Variants in TBCK observed in about 807,000 individuals in gnomAD.
TBCK encodes the protein TBC1 domain containing kinase.
Under a neutral mutation model 113.4 loss-of-function variants are expected in TBCK, and 99 were observed. The ratio of observed to expected loss-of-function variants is 0.87; its 90% CI spans 0.74 to 1.03. The LOEUF (loss-of-function observed/expected upper bound fraction) is 1.03, where lower values mean the gene tolerates loss of function less well. TBCK is among the 50% of genes least tolerant of loss of function. TBCK has a pLI of 0.00. For missense variants in TBCK, 1,045 were observed against 1,061.3 expected, an observed-to-expected ratio of 0.98 and a Z score of 0.21; for synonymous variants, 369 against 370.8, an observed-to-expected ratio of 1.00 and a Z score of 0.05.
At chr4:106,097,873 A>AAAT (rs1313337844) in intron 24 of TBCK, among the ~76,000 whole-genome samples, 1 of 152,134 alleles carries the variant, frequency 6.6e-6, no homozygotes, top group Non-Finnish European at 1.5e-5. Context: ...AAGAATAAAT[A>AAAT]AATAAAGAGG....
At chr4:106,236,909 A>G (rs890929425) in intron 12 of TBCK, 101 bp from the exon 13 acceptor site, 4 of 563,802 alleles carry the variant, frequency 7.1e-6, no homozygotes, top group Non-Finnish European at 1.1e-5. Flanking sequence ...AAATTTATAA[A>G]GGGACCTAGA....
intron 23 of TBCK, among the ~76,000 whole-genome samples, chr4:106,126,380 T>G (rs1393174631): frequency 6.6e-6 from 1 of 152,172 alleles, no homozygotes; most frequent in Non-Finnish European, 1.5e-5. Context: ...CAGAAAGTAT[T>G]AAGATATATA....
At chr4:106,271,772 CA>C in intron 3 of TBCK, among the ~76,000 whole-genome samples, 1 of 145,036 alleles carries the variant, frequency 6.9e-6, no homozygotes, top group South Asian at 2.2e-4. Flanking sequence ...AAAAACAAAA[CA>C]AAAAAACAAC....
At chr4:106,097,949 G>A (rs1741125647) in intron 24 of TBCK, among the ~76,000 whole-genome samples, 1 of 152,044 alleles carries the variant, frequency 6.6e-6, no homozygotes, top group Admixed American at 6.6e-5. Context: ...CATCAGTCAT[G>A]AGTAAAATCT....
Position 106,231,792 on chromosome 4 carries a change from G to T in TBCK, c.1640-13C>A. On this transcript the variant is annotated splice_polypyrimidine_tract_variant and intron_variant, in intron 17 of 25. Transcript: ENST00000394708. ...AGTGAGTCAAGACCTAACACAGAGG[G>T]GTTGGGAGAAAGAAGTCAAATAAAT... 1 of 1,605,492 alleles carries T rather than the reference G, an allele frequency of 6.2e-7. No individual in the cohort carries two copies. Among genetic ancestry groups the T allele is most frequent in the South Asian group, 1.1e-5 (1 of 89,708 alleles).
Position 106,216,124 on chromosome 4 carries a change from C to T in TBCK, c.1775-3289G>A, listed in dbSNP as rs192333637. On this transcript the variant is annotated intron_variant, in intron 19 of 25. Coordinates refer to ENST00000394708, the MANE Select transcript of TBCK (RefSeq NM_001163435.3). ...CCTCCTCCTGAATGACTACTGGGTA[C>T]GTAACGAAATGAAGGCAGAAATAAA... 8.3e-4 allele frequency among the ~76,000 whole-genome samples: 126 copies of T among 152,142 alleles called. 3 individuals carry two copies. The highest frequency in any genetic ancestry group is 2.0e-3 in the Admixed American group (30 of 15,286).
chr4:106,225,526 C>T (rs1169266203), intron 19 of TBCK, among the ~76,000 whole-genome samples: 2 of 152,108 alleles, frequency 1.3e-5, no homozygotes, highest in Admixed American at 6.5e-5. Context: ...GTGGCGCAAT[C>T]TCGGTTCACT....
chr4:106,081,996 CT>C lies in TBCK; in HGVS notation c.2571+13485del, dbSNP rs1351486891. On this transcript the variant is annotated intron_variant, in intron 25 of 25. Transcript: ENST00000394708. ...GCATAGAAAAGGGAGCACTTATACA[CT>C]GCTGGTGGAAATGTAAATCAGTTCA... 2.0e-5 allele frequency among the ~76,000 whole-genome samples: 3 copies of C among 152,202 alleles called. No individual in the cohort carries two copies. In the East Asian group the frequency reaches 5.8e-4, roughly 29 times the overall value.
chr4:106,204,750 G>GTTTTTTTTT (rs1755258552), intron 20 of TBCK, among the ~76,000 whole-genome samples: 3 of 115,610 alleles, frequency 2.6e-5, no homozygotes, highest in Non-Finnish European at 5.6e-5. Context: ...GACAAACAAT[G>GTTTTTTTTT]ATTTTTTTTT....
At chr4:106,072,149 T>G (rs1737543017) in intron 25 of TBCK, among the ~76,000 whole-genome samples, 1 of 152,212 alleles carries the variant, frequency 6.6e-6, no homozygotes, top group South Asian at 2.1e-4. Context: ...TGACGCTAGC[T>G]GGTTATTTTG....
chr4:106,277,777 A>G (rs1423253777), intron 3 of TBCK, among the ~76,000 whole-genome samples: 1 of 152,220 alleles, frequency 6.6e-6, no homozygotes, highest in Non-Finnish European at 1.5e-5. Context: ...CATTTAGTTT[A>G]TAAAAGTGTA....
chr4:106,290,435 C>A (rs1471036533), intron 3 of TBCK, among the ~76,000 whole-genome samples: 1 of 152,100 alleles, frequency 6.6e-6, no homozygotes, highest in East Asian at 1.9e-4. Flanking sequence ...CTTGGCCTCC[C>A]AAAGTGCTGG....
At chr4:106,083,739 C>T (rs1324709234) in intron 25 of TBCK, among the ~76,000 whole-genome samples, 1 of 152,112 alleles carries the variant, frequency 6.6e-6, no homozygotes, top group Non-Finnish European at 1.5e-5. Context: ...GAGCAGGCAC[C>T]CATCTTTGCT....
intron 25 of TBCK, among the ~76,000 whole-genome samples, chr4:106,058,728 G>A (rs1735711168): frequency 6.6e-6 from 1 of 151,684 alleles, no homozygotes; most frequent in African/African-American, 2.4e-5. Flanking sequence ...ATTAGGATTC[G>A]AACTTCATTT....
In TBCK at chr4:106,167,180, GTA is replaced by G. The variant is rs56951945; in HGVS notation, c.2235+3913_2235+3914del. Among the ~76,000 whole-genome samples the G allele has an allele frequency of 4.8e-3, 682 of 143,242 alleles. 3 individuals are homozygous for G. The highest frequency in any genetic ancestry group is 0.02 in the South Asian group (92 of 4,572). The allele number at this position is 143,242 out of a possible 152,430, so 94.0% of individuals were successfully genotyped here. A position where few individuals can be genotyped will look rare whatever the true frequency, so the allele number is the denominator to read the frequency against. On this transcript the variant is annotated intron_variant, in intron 23 of 25. Transcript: ENST00000394708. Reference sequence around the variant, plus strand: ...TATATAGAACTGTATATATAGAACTGTATATATATATATAGAACTGTATATAT... The same window carrying G: ...TATATAGAACTGTATATATAGAACTGTATATATATATAGAACTGTATATAT...
chr4:106,046,807 A>G (rs1054982731), intron 25 of TBCK, 127 bp from the exon 26 acceptor site: 16 of 521,418 alleles, frequency 3.1e-5, no homozygotes, highest in African/African-American at 2.4e-4. Flanking sequence ...CTGTATAATA[A>G]GTTGTCAACT....
chr4:106,072,255 A>G (rs1373738374), intron 25 of TBCK, among the ~76,000 whole-genome samples: 1 of 152,080 alleles, frequency 6.6e-6, no homozygotes, highest in Non-Finnish European at 1.5e-5. Context: ...TTCCATGTTT[A>G]GTGCTTCCTT....
intron 23 of TBCK, among the ~76,000 whole-genome samples, chr4:106,132,825 C>T (rs968757575): frequency 2.0e-5 from 3 of 152,212 alleles, no homozygotes; most frequent in African/African-American, 7.2e-5. Flanking sequence ...AGTTTAATGA[C>T]TGCCTTATTG....
intron 16 of TBCK, among the ~76,000 whole-genome samples, chr4:106,233,379 G>A (rs537205770): frequency 6.6e-6 from 1 of 152,064 alleles, no homozygotes; most frequent in Admixed American, 6.6e-5. Flanking sequence ...AAGAACTACA[G>A]TATTTTTAAA....
Sources: gnomAD v4.1 joint callset for allele counts (sites outside exome capture counted in the v4.1 genomes callset) on GRCh38, gnomAD v4.1.1 for gene constraint, MANE v1.5 for transcripts, NCBI Gene and HGNC (gene_info 2026-07-23, HGNC 2026-07-21) for gene names.